Variants in ENAM observed in about 807,000 individuals in gnomAD.
ENAM encodes enamelin, also known as amelogenesis imperfecta 2, hypocalcification (autosomal dominant).
Under a neutral mutation model 33.6 loss-of-function variants are expected in ENAM, and 21 were observed. The ratio of observed to expected loss-of-function variants is 0.63; its 90% CI spans 0.44 to 0.90. ENAM has a LOEUF of 0.90. Among genes scored for constraint, ENAM ranks in the 40% least tolerant of loss-of-function variants. ENAM has a pLI of 0.00. For synonymous variants in ENAM, 473 were observed against 468.4 expected, an observed-to-expected ratio of 1.01 and a Z score of -0.13; for missense variants, 1,388 against 1,366.9, an observed-to-expected ratio of 1.02 and a Z score of -0.24.
rs200233913 is a variant in ENAM, at chr4:70,634,348, A to G, written c.251A>G (p.Gln84Arg). 137 of 1,613,980 alleles carry G rather than the reference A, an allele frequency of 8.5e-5. 1 individual carries two copies. In the Admixed American group the frequency reaches 2.3e-3, roughly 27 times the overall value. The change falls in exon 6 of 9, where the codon CAG becomes CGG. Residue 84 changes from glutamine to arginine, a missense_variant. Coordinates refer to ENST00000396073, the MANE Select transcript of ENAM (RefSeq NM_031889.3). ...LGPFFGNGLP[Q>R]QFPQYQMPMW... Reference sequence around the variant, plus strand: ...CCCTTCTTTGGAAACGGTCTCCCTCAGCAATTTCCACAGTACCAGATGCCC... The same window carrying G: ...CCCTTCTTTGGAAACGGTCTCCCTCGGCAATTTCCACAGTACCAGATGCCC...
At chr4:70,638,449 CT>C (rs766513652) in intron 8 of ENAM, among the ~76,000 whole-genome samples, 903 of 58,836 alleles carry the variant, frequency 0.015, 5 homozygotes, top group African/African-American at 0.046. Context: ...ACAGATTGTT[CT>C]TTTTTTTTTT....
chr4:70,638,469 T>G (rs1738515704), intron 8 of ENAM, among the ~76,000 whole-genome samples: 1 of 139,984 alleles, frequency 7.1e-6, no homozygotes, highest in Admixed American at 7.0e-5. Flanking sequence ...TTTTTTTTTT[T>G]TTTTTTTGAG....
intron 8 of ENAM, among the ~76,000 whole-genome samples, chr4:70,639,041 G>A (rs1738533965): frequency 6.6e-6 from 1 of 151,746 alleles, no homozygotes; most frequent in Non-Finnish European, 1.5e-5. Flanking sequence ...AAGTGATCCA[G>A]CCACCTCAGC....
Position 70,643,426 on chromosome 4 carries a change from G to A in ENAM, c.2000G>A (p.Gly667Glu). ...CCAACTGGAGATGAAGTCTTTCCTG[G>A]ACAAAATAGATGGGGTGAAGAGTTG... ...VDPTGDEVFP[G>E]QNRWGEELSF... Residue 667 changes from glycine to glutamate, a missense_variant, in exon 9 of 9, where the codon GGA becomes GAA. Gly to Glu is a moderately conservative substitution (Grantham distance 98). Coordinates refer to ENST00000396073, the MANE Select transcript of ENAM (RefSeq NM_031889.3). 1 of 1,614,088 alleles carries A rather than the reference G, an allele frequency of 6.2e-7. No homozygotes were observed. Among genetic ancestry groups the A allele is most frequent in the Non-Finnish European group, 8.5e-7 (1 of 1,180,000 alleles).
In ENAM at chr4:70,646,304, A is replaced by C. The variant is rs998706317; in HGVS notation, c.*1449A>C. On this transcript the variant is annotated 3_prime_UTR_variant, in exon 9 of 9. Transcript: ENST00000396073. ...TGTCCCTTGCCTAGAGCAGGAAAAAAGTCTCAGAATTACCTAAAAACATAC... is the reference window on the plus strand; with the variant it reads ...TGTCCCTTGCCTAGAGCAGGAAAAACGTCTCAGAATTACCTAAAAACATAC... The C allele has an allele frequency of 1.3e-5, 2 of 152,166 alleles. No individual in the cohort carries two copies. Among genetic ancestry groups the C allele is most frequent in the African/African-American group, 4.8e-5 (2 of 41,424 alleles). 9.4% of individuals were successfully genotyped at this position (152,166 alleles called of 1,614,324 possible). A position where few individuals can be genotyped will look rare whatever the true frequency, so the allele number is the denominator to read the frequency against.
At chr4:70,635,348 G>T (rs1738424739) in intron 6 of ENAM, among the ~76,000 whole-genome samples, 1 of 152,164 alleles carries the variant, frequency 6.6e-6, no homozygotes, top group Admixed American at 6.5e-5. Context: ...CTGCACTCCA[G>T]CCTGGGCAAC....
At chr4:70,640,919 C>A (rs748495528) in intron 8 of ENAM, among the ~76,000 whole-genome samples, 1 of 152,148 alleles carries the variant, frequency 6.6e-6, no homozygotes, top group Non-Finnish European at 1.5e-5. Flanking sequence ...CCACTCTCAG[C>A]CTCTAATACT....
Position 70,645,239 on chromosome 4 carries a change from G to GGTGACCACC in ENAM, c.*385_*386insTGACCACCG. 3.5e-6 allele frequency: 1 copy of GGTGACCACC among 283,036 alleles called. No individual in the cohort carries two copies. The highest frequency in any genetic ancestry group is 6.6e-6 in the Non-Finnish European group (1 of 152,168). 17.5% of individuals were successfully genotyped at this position (283,036 alleles called of 1,614,324 possible). On this transcript the variant is annotated 3_prime_UTR_variant, in exon 9 of 9. Transcript: ENST00000396073. ...CAGATTAACTTTCCATTCTACTTAT[G>GGTGACCACC]GAGATCCACACATCAGTATAGTCCT...
chr4:70,631,768 C>G lies in ENAM; in HGVS notation c.123+30C>G, dbSNP rs767461339. 2.5e-6 allele frequency: 4 copies of G among 1,606,722 alleles called. No homozygotes were observed. The Admixed American group carries it at 5.0e-5, about 20-fold the overall frequency. On this transcript the variant is annotated intron_variant, in intron 3 of 8. Coordinates refer to ENST00000396073, the MANE Select transcript of ENAM (RefSeq NM_031889.3). ...GTATTTTTTAAATGTTAGCTCTTCT[C>G]TTTGTGTTCCGTTAGGAACAATTGT...
chr4:70,644,002 G>A lies in ENAM; in HGVS notation c.2576G>A (p.Gly859Asp). ...PNFIPPSYPS[G>D]QKEAHLFHLS... ...TTCATCCCACCAAGTTACCCATCAG[G>A]TCAAAAAGAAGCACATTTATTTCAC... The change falls in exon 9 of 9, where the codon GGT (glycine) becomes GAT (aspartate). Residue 859 changes from glycine to aspartate, a missense_variant. Coordinates refer to ENST00000396073, the MANE Select transcript of ENAM (RefSeq NM_031889.3). 5 of 1,614,080 alleles carry A rather than the reference G, an allele frequency of 3.1e-6. No individual in the cohort carries two copies. Among genetic ancestry groups the A allele is most frequent in the Non-Finnish European group, 4.2e-6 (5 of 1,180,000 alleles).
At position 70,629,498 on chromosome 4, in the gene ENAM, A is replaced by T; in HGVS notation, c.-3A>T. On this transcript the variant is annotated 5_prime_UTR_variant, in exon 2 of 9. Transcript: ENST00000396073. ...AAGGCTTATAAAAATTTTGCTGAAA[A>T]AAATGTTGGTGCTTCGGTGCAGGCT... is the stretch of plus-strand genomic sequence containing the variant. The T allele has an allele frequency of 1.2e-6, 2 of 1,612,928 alleles. No individual in the cohort carries two copies. The highest frequency in any genetic ancestry group is 1.7e-6 in the Non-Finnish European group (2 of 1,179,024).
chr4:70,632,045 G>A (rs1451414073), intron 4 of ENAM, 152 bp downstream of exon 4: 14 of 751,640 alleles, frequency 1.9e-5, no homozygotes, highest in Admixed American at 4.2e-5. Context: ...CTCTCAAATC[G>A]AGGCAAAGTA....
At chr4:70,638,420 C>A (rs981106733) in intron 8 of ENAM, among the ~76,000 whole-genome samples, 1 of 142,472 alleles carries the variant, frequency 7.0e-6, no homozygotes, top group Non-Finnish European at 1.5e-5. Context: ...AACTTAATAG[C>A]TTGACTGGAG....
At chr4:70,638,973 T>C (rs1245415508) in intron 8 of ENAM, among the ~76,000 whole-genome samples, 1 of 151,792 alleles carries the variant, frequency 6.6e-6, no homozygotes, top group Non-Finnish European at 1.5e-5. Flanking sequence ...AATCTTTGTA[T>C]TTTTTTAGAG....
rs574769451 is a variant in ENAM at position 70,635,892 on chromosome 4, C to G, written c.532C>G (p.Gln178Glu). 8.8e-6 allele frequency: 14 copies of G among 1,594,068 alleles called. No homozygotes were observed. In the African/African-American group the frequency reaches 1.9e-4, roughly 21 times the overall value. Residue 178 changes from glutamine to glutamate, a missense_variant and splice_region_variant, in exon 7 of 9, where the codon CAG becomes GAG. Transcript: ENST00000396073. Reference protein sequence around the residue: ...PYQQPPWQIPQRLPPPGYGRP... With the variant: ...PYQQPPWQIPERLPPPGYGRP... ...TCAACAACCACCATGGCAAATTCCA[C>G]AGGTGAGAAATTTTTTTTTCTTTAC...
chr4:70,634,790 A>G (rs1738410451), intron 6 of ENAM, among the ~76,000 whole-genome samples: 1 of 152,246 alleles, frequency 6.6e-6, no homozygotes, highest in African/African-American at 2.4e-5. Flanking sequence ...AATTACAGAG[A>G]CAACATGGTG....
In ENAM at chr4:70,645,159, T is replaced by C; in HGVS notation, c.*304T>C. On this transcript the variant is annotated 3_prime_UTR_variant, in exon 9 of 9. Transcript: ENST00000396073. The stretch of plus-strand genomic sequence containing the variant: ...AGTTAGTTTCCTTTTGCTTGATGAC[T>C]TCTTTTGCTCTCAAAGTTCCATACT... The C allele has an allele frequency of 1.9e-6, 1 of 533,486 alleles. No homozygotes were observed. The highest frequency in any genetic ancestry group is 3.3e-6 in the Non-Finnish European group (1 of 299,034). The allele number at this position is 533,486 out of a possible 1,614,324, so 33.0% of individuals were successfully genotyped here.
rs755829401 is a variant in ENAM at position 70,643,437 on chromosome 4, T to G, written c.2011T>G (p.Trp671Gly). ...GDEVFPGQNR[W>G]GEELSFKGGP... The stretch of plus-strand genomic sequence containing the variant: ...TGAAGTCTTTCCTGGACAAAATAGA[T>G]GGGGTGAAGAGTTGAGCTTCAAAGG... Residue 671 changes from tryptophan to glycine, a missense_variant, in exon 9 of 9, where the codon TGG becomes GGG. By Grantham distance (184) the Trp-to-Gly change is radical (BLOSUM62 -2). Transcript: ENST00000396073. 6.2e-7 allele frequency: 1 copy of G among 1,614,006 alleles called. No individual in the cohort carries two copies. The highest frequency in any genetic ancestry group is 1.1e-5 in the South Asian group (1 of 91,070).
At chr4:70,635,983 G>A (rs1352250546) in intron 7 of ENAM, 89 bp downstream of exon 7, 4 of 714,148 alleles carry the variant, frequency 5.6e-6, no homozygotes, top group Non-Finnish European at 9.7e-6. Context: ...ACATTCTAAT[G>A]GAATACCATA....
Sources: gnomAD v4.1 joint callset for allele counts (sites outside exome capture counted in the v4.1 genomes callset) on GRCh38, gnomAD v4.1.1 for gene constraint, MANE v1.5 for transcripts, NCBI Gene and HGNC (gene_info 2026-07-23, HGNC 2026-07-21) for gene names.